The following DNER variants were observed in gnomAD, a reference collection of about 807,000 sequenced individuals.
The protein encoded by DNER is delta/notch like EGF repeat containing, also known as delta and Notch-like epidermal growth factor-related receptor.
In DNER, 33 loss-of-function variants were observed where a neutral mutation model predicts 78.2. That is an observed-to-expected ratio of 0.42 (90% CI 0.32 to 0.56). The LOEUF (loss-of-function observed/expected upper bound fraction) is 0.56. DNER is among the 20% of genes least tolerant of loss of function. The pLI, the probability that DNER is intolerant of heterozygous loss-of-function variation, is 0.11. For synonymous variants in DNER, 417 were observed against 384.8 expected (o/e 1.08, Z -0.98); for missense variants, 918 against 975.3 (o/e 0.94, Z 0.78).
At chr2:229,613,640 A>G (rs1698091454) in intron 1 of DNER, among the ~76,000 whole-genome samples, 1 of 152,118 alleles carries the variant, frequency 6.6e-6, no homozygotes, top group South Asian at 2.1e-4. Context: ...TCCAAAAAAA[A>G]AGAAAATTAA....
intron 6 of DNER, among the ~76,000 whole-genome samples, chr2:229,495,580 C>T (rs1030039432): frequency 6.6e-6 from 1 of 152,216 alleles, no homozygotes; most frequent in Admixed American, 6.5e-5. Context: ...TTCCCTCTTA[C>T]TCAGCCTTTT....
chr2:229,424,762 T>C (rs765286211), intron 8 of DNER, among the ~76,000 whole-genome samples: 27 of 152,176 alleles, frequency 1.8e-4, no homozygotes, highest in Non-Finnish European at 7.3e-5. Context: ...ATTTAGTCCT[T>C]AACACCTAGA....
intron 8 of DNER, among the ~76,000 whole-genome samples, chr2:229,421,817 A>T (rs993393335): frequency 1.3e-5 from 2 of 152,096 alleles, no homozygotes; most frequent in Non-Finnish European, 2.9e-5. Context: ...CCCTCCTAGG[A>T]GATCTTTTAA....
At chr2:229,504,584 G>C (rs2154212062) in intron 6 of DNER, among the ~76,000 whole-genome samples, 1 of 152,298 alleles carries the variant, frequency 6.6e-6, no homozygotes, top group South Asian at 2.1e-4. Flanking sequence ...AAACTCATTA[G>C]TGAACTCCCT....
At chr2:229,621,380 A>G (rs1361198826) in intron 1 of DNER, among the ~76,000 whole-genome samples, 1 of 152,154 alleles carries the variant, frequency 6.6e-6, no homozygotes, top group East Asian at 1.9e-4. Context: ...TGAAAGTGTC[A>G]TATGAGGCCC....
chr2:229,711,271 G>T (rs1317064652), intron 1 of DNER, among the ~76,000 whole-genome samples: 3 of 152,140 alleles, frequency 2.0e-5, no homozygotes, highest in Non-Finnish European at 2.9e-5. Flanking sequence ...AGAGGAAGGG[G>T]AGAGGTGAGG....
At chr2:229,614,633 G>T (rs1698118419) in intron 1 of DNER, among the ~76,000 whole-genome samples, 3 of 152,180 alleles carry the variant, frequency 2.0e-5, no homozygotes, top group Admixed American at 2.0e-4. Flanking sequence ...AGCTAGACAG[G>T]GTTGTCTTGA....
At chr2:229,645,697 C>G (rs1698706107) in intron 1 of DNER, among the ~76,000 whole-genome samples, 1 of 152,188 alleles carries the variant, frequency 6.6e-6, no homozygotes, top group South Asian at 2.1e-4. Context: ...TTAACGTCAT[C>G]TGGCCTGATG....
chr2:229,504,856 C>T (rs550579122), intron 6 of DNER, among the ~76,000 whole-genome samples: 4 of 152,328 alleles, frequency 2.6e-5, no homozygotes, highest in African/African-American at 2.4e-5. Context: ...ATGGACAAGA[C>T]GTGTTCCCCA....
intron 11 of DNER, among the ~76,000 whole-genome samples, chr2:229,372,847 CA>C (rs1692517565): frequency 6.6e-6 from 1 of 151,942 alleles, no homozygotes; most frequent in African/African-American, 2.4e-5. Context: ...GGGAATCAAC[CA>C]GACTAAATGC....
At chr2:229,612,918 A>C (rs1698075564) in intron 1 of DNER, among the ~76,000 whole-genome samples, 1 of 152,246 alleles carries the variant, frequency 6.6e-6, no homozygotes, top group Admixed American at 6.5e-5. Context: ...TCCAATATAC[A>C]AAACTATTTT....
At chr2:229,368,068 G>T (rs965145987) in intron 11 of DNER, among the ~76,000 whole-genome samples, 1 of 151,908 alleles carries the variant, frequency 6.6e-6, no homozygotes, top group Non-Finnish European at 1.5e-5. Flanking sequence ...TTTTTAAAAA[G>T]AAATAAAATA....
At chr2:229,465,272 C>T (rs371684896) in intron 7 of DNER, among the ~76,000 whole-genome samples, 5 of 152,198 alleles carry the variant, frequency 3.3e-5, no homozygotes, top group East Asian at 1.9e-4. Context: ...AAGATCATGT[C>T]TTTTGCAGGG....
At chr2:229,705,533 T>C (rs756863052) in intron 1 of DNER, among the ~76,000 whole-genome samples, 1 of 152,190 alleles carries the variant, frequency 6.6e-6, no homozygotes, top group Non-Finnish European at 1.5e-5. Flanking sequence ...CTGGTTCCCT[T>C]TTCCCTCTGG....
At chr2:229,537,030 T>C (rs1368347256) in intron 5 of DNER, among the ~76,000 whole-genome samples, 3 of 152,136 alleles carry the variant, frequency 2.0e-5, no homozygotes, top group African/African-American at 7.2e-5. Context: ...TGAAAGGTCA[T>C]GAGACCCCTG....
intron 1 of DNER, among the ~76,000 whole-genome samples, chr2:229,601,066 TC>T (rs1307727122): frequency 1.3e-5 from 2 of 152,148 alleles, no homozygotes; most frequent in Non-Finnish European, 2.9e-5. Flanking sequence ...CAAGAAAGCT[TC>T]CTGGGGCTCA....
At chr2:229,417,448 A>C (rs1191292126) in intron 9 of DNER, among the ~76,000 whole-genome samples, 3 of 152,146 alleles carry the variant, frequency 2.0e-5, no homozygotes, top group Non-Finnish European at 4.4e-5. Flanking sequence ...CCGTCTGAGG[A>C]TATCTGGGCT....
chr2:229,432,872 G>T (rs1450390265), intron 8 of DNER, among the ~76,000 whole-genome samples: 4 of 152,284 alleles, frequency 2.6e-5, no homozygotes. Flanking sequence ...GCGGGGAAAT[G>T]GTAGGGGTTG....
At chr2:229,388,899 G>C (rs1692959044) in intron 10 of DNER, among the ~76,000 whole-genome samples, 1 of 151,950 alleles carries the variant, frequency 6.6e-6, no homozygotes, top group Non-Finnish European at 1.5e-5. Flanking sequence ...CCAAGTATTT[G>C]AGTATGTGAG....
Sources: gnomAD v4.1 joint callset for allele counts (sites outside exome capture counted in the v4.1 genomes callset) on GRCh38, gnomAD v4.1.1 for gene constraint, MANE v1.5 for transcripts, NCBI Gene and HGNC (gene_info 2026-07-23, HGNC 2026-07-21) for gene names.